Variants in PAPSS1 observed in about 807,000 individuals in gnomAD.
The protein encoded by PAPSS1 is bifunctional 3'-phosphoadenosine 5'-phosphosulfate synthase 1.
Under a neutral mutation model 72.0 loss-of-function variants are expected in PAPSS1, and 50 were observed. The ratio of observed to expected loss-of-function variants is 0.69; its 90% CI spans 0.55 to 0.88. The LOEUF (loss-of-function observed/expected upper bound fraction) is 0.88, where lower values mean the gene tolerates loss of function less well. PAPSS1 is among the 40% of genes least tolerant of loss of function. The pLI, the probability that PAPSS1 is intolerant of heterozygous loss-of-function variation, is 0.00. For missense variants in PAPSS1, 657 were observed against 782.2 expected, an observed-to-expected ratio of 0.84 and a Z score of 1.91; for synonymous variants, 261 against 263.6, an observed-to-expected ratio of 0.99 and a Z score of 0.09.
chr4:107,624,511 T>A, intron 11 of PAPSS1, among the ~76,000 whole-genome samples: 1 of 152,174 alleles, frequency 6.6e-6, no homozygotes, highest in Non-Finnish European at 1.5e-5. Context: ...AAGAAATTAA[T>A]AAATGAATAA....
chr4:107,701,650 T>C (rs1723207678), intron 1 of PAPSS1, among the ~76,000 whole-genome samples: 2 of 152,316 alleles, frequency 1.3e-5, no homozygotes, highest in South Asian at 4.1e-4. Flanking sequence ...TAGTATCTAC[T>C]GAGGCCCTAC....
chr4:107,623,658 C>G (rs577952780), intron 11 of PAPSS1, among the ~76,000 whole-genome samples: 11 of 152,192 alleles, frequency 7.2e-5, no homozygotes, highest in South Asian at 2.1e-4. Flanking sequence ...TTAATTAAGG[C>G]AGCAGGGAGT....
chr4:107,669,290 G>A (rs1318404363), intron 5 of PAPSS1, among the ~76,000 whole-genome samples: 1 of 152,196 alleles, frequency 6.6e-6, no homozygotes, highest in Admixed American at 6.5e-5. Flanking sequence ...GTTTCTCCAT[G>A]TGCCCTAATG....
At position 107,693,830 on chromosome 4, in the gene PAPSS1, T is replaced by C. The variant is rs756882698; in HGVS notation, c.352A>G (p.Lys118Glu). ...ENVRRIAEVA[K>E]LFADAGLVCI... ...ACTAAGCCAGCATCTGCAAACAGTT[T>C]AGCAACTTCTGCGATGCGTCGAACA... is the stretch of plus-strand genomic sequence containing the variant. Residue 118 changes from lysine (K) to glutamate (E), a missense_variant, in exon 3 of 12, where the codon AAA (lysine) becomes GAA (glutamate). Physicochemically the swap from Lys to Glu is moderately conservative, Grantham distance 56. Coordinates refer to ENST00000265174, the MANE Select transcript of PAPSS1 (RefSeq NM_005443.5). 1 of 1,613,932 alleles carries C rather than the reference T, an allele frequency of 6.2e-7. No homozygotes were observed. Among genetic ancestry groups the C allele is most frequent in the Non-Finnish European group, 8.5e-7 (1 of 1,179,884 alleles).
intron 5 of PAPSS1, among the ~76,000 whole-genome samples, chr4:107,678,718 T>C (rs1300219030): frequency 6.6e-6 from 1 of 152,152 alleles, no homozygotes; most frequent in Non-Finnish European, 1.5e-5. Flanking sequence ...CAAGCATGCC[T>C]ATGGCAGGTG....
At chr4:107,677,332 T>C (rs62311650) in intron 5 of PAPSS1, among the ~76,000 whole-genome samples, 27,911 of 152,018 alleles carry the variant, frequency 0.18, 2,961 homozygotes, top group East Asian at 0.37. Flanking sequence ...CTCAAATAAA[T>C]TTACAAGGAA....
At chr4:107,642,249 T>C (rs1726565903) in intron 10 of PAPSS1, among the ~76,000 whole-genome samples, 1 of 152,190 alleles carries the variant, frequency 6.6e-6, no homozygotes, top group African/African-American at 2.4e-5. Context: ...TGTGGCTACA[T>C]ATTTTTAAAA....
At chr4:107,718,907 G>A (rs932377012) in intron 1 of PAPSS1, among the ~76,000 whole-genome samples, 8 of 152,180 alleles carry the variant, frequency 5.3e-5, no homozygotes, top group Non-Finnish European at 1.2e-4. Flanking sequence ...ATCCCGTGAA[G>A]TACATACTAT....
At position 107,693,764 on chromosome 4, in the gene PAPSS1, C is replaced by G; in HGVS notation, c.411+7G>C. The G allele has an allele frequency of 1.2e-6, 2 of 1,600,922 alleles. No individual in the cohort carries two copies. Among genetic ancestry groups the G allele is most frequent in the Non-Finnish European group, 1.7e-6 (2 of 1,168,122 alleles). On this transcript the variant is annotated splice_region_variant and intron_variant, in intron 3 of 11. Coordinates refer to ENST00000265174, the MANE Select transcript of PAPSS1 (RefSeq NM_005443.5). ...AGCAGAAAGGCAATGGCACAAAAACCACATACCTGAGTGTAAGGTGATATG... is the reference window on the plus strand; with the variant it reads ...AGCAGAAAGGCAATGGCACAAAAACGACATACCTGAGTGTAAGGTGATATG...
Position 107,656,998 on chromosome 4 carries a change from G to T in PAPSS1, c.793C>A (p.Gln265Lys). ...PALKINKVDMQWVQVLAEGWA... is the reference protein window; with the variant it reads ...PALKINKVDMKWVQVLAEGWA... ...CCTTCTGCCAAAACCTGCACCCACT[G>T]CATATCCACCTAGTAAATTTGAAAG... Residue 265 changes from glutamine (Q) to lysine (K), a missense_variant, in exon 7 of 12, where the codon CAG (glutamine) becomes AAG (lysine). Transcript: ENST00000265174. 1 of 1,611,938 alleles carries T rather than the reference G, an allele frequency of 6.2e-7. No individual in the cohort carries two copies. Among genetic ancestry groups the T allele is most frequent in the Non-Finnish European group, 8.5e-7 (1 of 1,178,126 alleles).
At chr4:107,634,655 A>C (rs916887334) in intron 10 of PAPSS1, among the ~76,000 whole-genome samples, 4 of 152,172 alleles carry the variant, frequency 2.6e-5, no homozygotes, top group African/African-American at 9.7e-5. Flanking sequence ...TAGGGTTCCT[A>C]ACTCACATTG....
intron 9 of PAPSS1, among the ~76,000 whole-genome samples, chr4:107,650,255 G>C (rs934350490): frequency 1.3e-5 from 2 of 152,176 alleles, no homozygotes; most frequent in Non-Finnish European, 2.9e-5. Context: ...TCGGTCTGTT[G>C]CTTATTTGCC....
At chr4:107,655,521 A>G (rs184753159) in intron 7 of PAPSS1, among the ~76,000 whole-genome samples, 5 of 152,368 alleles carry the variant, frequency 3.3e-5, no homozygotes, top group African/African-American at 1.2e-4. Context: ...CAGTGATACT[A>G]AAGGCACAGT....
At chr4:107,659,543 C>T (rs1210386770) in intron 6 of PAPSS1, among the ~76,000 whole-genome samples, 1 of 152,036 alleles carries the variant, frequency 6.6e-6, no homozygotes, top group Non-Finnish European at 1.5e-5. Flanking sequence ...AGCTAAGATA[C>T]ACAATAAAAT....
intron 4 of PAPSS1, among the ~76,000 whole-genome samples, chr4:107,684,424 G>C (rs1560584254): frequency 6.6e-6 from 1 of 152,084 alleles, no homozygotes; most frequent in African/African-American, 2.4e-5. Flanking sequence ...AAATGGCCCT[G>C]CAAAGCTGTT....
intron 5 of PAPSS1, among the ~76,000 whole-genome samples, chr4:107,662,473 G>T (rs1272871733): frequency 6.6e-6 from 1 of 152,112 alleles, no homozygotes; most frequent in Non-Finnish European, 1.5e-5. Flanking sequence ...ATGCACTAAT[G>T]GGGCAGATTA....
At chr4:107,683,993 AG>A (rs1560584107) in intron 4 of PAPSS1, among the ~76,000 whole-genome samples, 1 of 151,958 alleles carries the variant, frequency 6.6e-6, no homozygotes, top group East Asian at 1.9e-4. Context: ...CATTAACCTA[AG>A]GAACATTTTA....
intron 9 of PAPSS1, among the ~76,000 whole-genome samples, chr4:107,648,494 C>A (rs902568044): frequency 6.6e-6 from 1 of 152,220 alleles, no homozygotes; most frequent in Non-Finnish European, 1.5e-5. Flanking sequence ...CAGAACTGTG[C>A]TTCACATCCC....
At chr4:107,717,742 C>T (rs780222673) in intron 1 of PAPSS1, among the ~76,000 whole-genome samples, 4 of 152,208 alleles carry the variant, frequency 2.6e-5, no homozygotes, top group Non-Finnish European at 5.9e-5. Context: ...CCGTGCCCAA[C>T]CTACTTCCCA....
Sources: gnomAD v4.1 joint callset for allele counts (sites outside exome capture counted in the v4.1 genomes callset) on GRCh38, gnomAD v4.1.1 for gene constraint, MANE v1.5 for transcripts, NCBI Gene and HGNC (gene_info 2026-07-23, HGNC 2026-07-21) for gene names.